The following CADPS variants were observed in gnomAD, a reference collection of about 807,000 sequenced individuals.
CADPS encodes the protein calcium dependent secretion activator.
Under a neutral mutation model 167.3 loss-of-function variants are expected in CADPS, and 57 were observed. That is an observed-to-expected ratio of 0.34 (90% CI 0.28 to 0.42). CADPS has a LOEUF of 0.42. Among genes scored for constraint, CADPS ranks in the 20% least tolerant of loss-of-function variants. The pLI, the probability that CADPS is intolerant of heterozygous loss-of-function variation, is 1.00. For synonymous variants in CADPS, 676 were observed against 635.3 expected, an observed-to-expected ratio of 1.06 and a Z score of -0.96; for missense variants, 1,414 against 1,738.1, an observed-to-expected ratio of 0.81 and a Z score of 3.32.
At chr3:62,873,769 G>A (rs574517674) in intron 1 of CADPS, among the ~76,000 whole-genome samples, 1 of 152,246 alleles carries the variant, frequency 6.6e-6, no homozygotes, top group East Asian at 1.9e-4. Flanking sequence ...GGAGGACCCA[G>A]GCGAGCCAGA....
intron 28 of CADPS, among the ~76,000 whole-genome samples, chr3:62,428,654 C>G (rs1253895897): frequency 6.6e-6 from 1 of 152,154 alleles, no homozygotes; most frequent in East Asian, 1.9e-4. Flanking sequence ...CTACATCATA[C>G]TCATCGCGTT....
At chr3:62,813,036 G>A (rs539678030) in intron 1 of CADPS, among the ~76,000 whole-genome samples, 19 of 151,796 alleles carry the variant, frequency 1.3e-4, no homozygotes, top group Non-Finnish European at 2.5e-4. Flanking sequence ...TGGTCATATT[G>A]CCCACAACAA....
intron 1 of CADPS, among the ~76,000 whole-genome samples, chr3:62,803,571 A>G (rs556640268): frequency 1.3e-5 from 2 of 152,134 alleles, no homozygotes; most frequent in East Asian, 3.9e-4. Context: ...AGAAACCCTG[A>G]TATATAACTA....
At chr3:62,632,059 C>G (rs149893001) in intron 6 of CADPS, among the ~76,000 whole-genome samples, 4 of 152,278 alleles carry the variant, frequency 2.6e-5, no homozygotes, top group African/African-American at 9.6e-5. Flanking sequence ...CACCAACATA[C>G]AGGACATAAC....
intron 6 of CADPS, among the ~76,000 whole-genome samples, chr3:62,620,831 G>A (rs920838483): frequency 6.6e-6 from 1 of 152,150 alleles, no homozygotes; most frequent in Non-Finnish European, 1.5e-5. Flanking sequence ...GTGACTGAGG[G>A]CCTGGAAGGG....
chr3:62,814,837 C>G (rs1451899927), intron 1 of CADPS, among the ~76,000 whole-genome samples: 2 of 152,174 alleles, frequency 1.3e-5, no homozygotes, highest in Non-Finnish European at 2.9e-5. Flanking sequence ...CTCTTTTCCT[C>G]TTTCAGCTGT....
intron 6 of CADPS, among the ~76,000 whole-genome samples, chr3:62,631,954 T>C (rs1296205942): frequency 6.6e-6 from 1 of 152,166 alleles, no homozygotes; most frequent in Non-Finnish European, 1.5e-5. Context: ...ATGTATTCAC[T>C]AAAACAAGGT....
At chr3:62,482,019 G>A (rs545635526) in intron 21 of CADPS, 150 bp from the exon 22 acceptor site, 3 of 751,290 alleles carry the variant, frequency 4.0e-6, no homozygotes, top group East Asian at 5.2e-5. Context: ...GCAGCTTACA[G>A]ATGGGAAGCT....
At chr3:62,746,814 C>T (rs2081557482) in intron 3 of CADPS, among the ~76,000 whole-genome samples, 1 of 152,152 alleles carries the variant, frequency 6.6e-6, no homozygotes, top group African/African-American at 2.4e-5. Flanking sequence ...TGAGCACAGC[C>T]TCGCCAGCAC....
At chr3:62,764,699 A>G (rs2086402591) in intron 2 of CADPS, among the ~76,000 whole-genome samples, 2 of 152,232 alleles carry the variant, frequency 1.3e-5, no homozygotes, top group Admixed American at 1.3e-4. Context: ...ATCAATTAAC[A>G]TATTGAAAGC....
chr3:62,495,669 C>G (rs1217850392), intron 18 of CADPS, among the ~76,000 whole-genome samples: 1 of 152,174 alleles, frequency 6.6e-6, no homozygotes, highest in Non-Finnish European at 1.5e-5. Context: ...ATATGTACTC[C>G]TCTATATACC....
At chr3:62,710,673 G>A (rs1221179430) in intron 3 of CADPS, among the ~76,000 whole-genome samples, 2 of 151,948 alleles carry the variant, frequency 1.3e-5, no homozygotes, top group East Asian at 1.9e-4. Context: ...CACAGCTAGG[G>A]CTCCGAGTCA....
chr3:62,819,587 T>C (rs886268054), intron 1 of CADPS, among the ~76,000 whole-genome samples: 3 of 152,176 alleles, frequency 2.0e-5, no homozygotes, highest in Admixed American at 6.5e-5. Flanking sequence ...AGTGTCTTTG[T>C]ATACCTGGGG....
chr3:62,439,369 G>T (rs2055827379), intron 27 of CADPS: 1 of 152,086 alleles, frequency 6.6e-6, no homozygotes, highest in African/African-American at 2.4e-5. Context: ...CCAATGCTTG[G>T]CCCCTGGGAT....
Position 62,454,922 on chromosome 3 carries a change from A to G in CADPS, c.3637-9125T>C, listed in dbSNP as rs553766411. Among the ~76,000 whole-genome samples, 32 of 152,208 alleles carry G rather than the reference A, an allele frequency of 2.1e-4. No individual in the cohort carries two copies. The South Asian group carries it at 2.9e-3, about 14-fold the overall frequency. On this transcript the variant is annotated intron_variant, in intron 26 of 29. Transcript: ENST00000383710. ...TCCCACCATACTCCTCAAAGTCCCT[A>G]CCTTTTATTAAACAAAGGGCTGCTG... is the stretch of plus-strand genomic sequence containing the variant.
At chr3:62,765,357 A>G (rs2086569459) in intron 2 of CADPS, among the ~76,000 whole-genome samples, 1 of 152,194 alleles carries the variant, frequency 6.6e-6, no homozygotes, top group Non-Finnish European at 1.5e-5. Flanking sequence ...ACAGCACTGC[A>G]TTTTGGACAG....
At chr3:62,407,909 A>G (rs1489919469) in intron 28 of CADPS, among the ~76,000 whole-genome samples, 2 of 151,946 alleles carry the variant, frequency 1.3e-5, no homozygotes, top group East Asian at 3.9e-4. Flanking sequence ...AATTTTTTGT[A>G]CTTTTACTAG....
At chr3:62,568,146 C>T (rs1486392650) in intron 9 of CADPS, among the ~76,000 whole-genome samples, 1 of 152,164 alleles carries the variant, frequency 6.6e-6, no homozygotes, top group Non-Finnish European at 1.5e-5. Context: ...TGGTCAGAGC[C>T]AGTCTGTCTC....
At chr3:62,468,282 A>G (rs1465115132) in intron 24 of CADPS, among the ~76,000 whole-genome samples, 1 of 152,076 alleles carries the variant, frequency 6.6e-6, no homozygotes, top group Non-Finnish European at 1.5e-5. Flanking sequence ...TGACTGCCTC[A>G]CTCGTCTAGG....
Sources: gnomAD v4.1 joint callset for allele counts (sites outside exome capture counted in the v4.1 genomes callset) on GRCh38, gnomAD v4.1.1 for gene constraint, MANE v1.5 for transcripts, NCBI Gene and HGNC (gene_info 2026-07-23, HGNC 2026-07-21) for gene names.